GABBR2: variants seen among roughly 807,000 people sequenced by gnomAD.
GABBR2 encodes the protein G-protein coupled receptor 51.
A neutral mutation model predicts 105.6 loss-of-function variants in GABBR2; 23 were observed. That is an observed-to-expected ratio of 0.22 (90% CI 0.16 to 0.31). GABBR2 has a LOEUF of 0.31. Among genes scored for constraint, GABBR2 ranks in the 10% least tolerant of loss-of-function variants. GABBR2 has a pLI of 1.00. For missense variants in GABBR2, 734 were observed against 1,245.5 expected (o/e 0.59, Z 6.18); for synonymous variants, 478 against 499.7 (o/e 0.96, Z 0.58).
At chr9:98,605,795 T>C (rs1421784318) in intron 1 of GABBR2, among the ~76,000 whole-genome samples, 1 of 152,206 alleles carries the variant, frequency 6.6e-6, no homozygotes, top group Non-Finnish European at 1.5e-5. Context: ...TTTTTTATTA[T>C]ACTTTAAATT....
intron 6 of GABBR2, among the ~76,000 whole-genome samples, chr9:98,467,444 A>C (rs1254627768): frequency 1.3e-5 from 2 of 152,062 alleles, no homozygotes; most frequent in African/African-American, 4.8e-5. Flanking sequence ...GAATGGGAGT[A>C]GCAAGGAATG....
intron 4 of GABBR2, among the ~76,000 whole-genome samples, chr9:98,481,456 C>T (rs549285767): frequency 1.3e-5 from 2 of 152,332 alleles, no homozygotes; most frequent in Admixed American, 6.5e-5. Context: ...AGACCCCAGC[C>T]AACCACACTC....
intron 17 of GABBR2, among the ~76,000 whole-genome samples, chr9:98,294,497 CT>C (rs1054724028): frequency 2.9e-3 from 425 of 144,644 alleles, no homozygotes; most frequent in South Asian, 3.7e-3. Flanking sequence ...ACCTCGGCAT[CT>C]TTTTTTTTTT....
chr9:98,513,919 A>C (rs1827704716), intron 3 of GABBR2, among the ~76,000 whole-genome samples: 1 of 152,244 alleles, frequency 6.6e-6, no homozygotes, highest in African/African-American at 2.4e-5. Flanking sequence ...ATATACCCAC[A>C]GGACTATAAA....
intron 13 of GABBR2, among the ~76,000 whole-genome samples, chr9:98,357,797 C>T (rs1007942455): frequency 7.9e-5 from 12 of 152,066 alleles, no homozygotes; most frequent in Admixed American, 7.9e-4. Flanking sequence ...CAATCATATC[C>T]TCCTATCCTG....
At chr9:98,597,214 A>C (rs1244119288) in intron 1 of GABBR2, among the ~76,000 whole-genome samples, 1 of 152,174 alleles carries the variant, frequency 6.6e-6, no homozygotes, top group Non-Finnish European at 1.5e-5. Flanking sequence ...TGTTGCTCTA[A>C]AATAGATGGC....
chr9:98,300,547 G>A lies in GABBR2; in HGVS notation c.2413-1194C>T, dbSNP rs541438608. 3.9e-5 allele frequency among the ~76,000 whole-genome samples: 6 copies of A among 152,254 alleles called. 1 individual carries two copies. Among genetic ancestry groups the A allele is most frequent in the East Asian group, 1.9e-4 (1 of 5,184 alleles). On this transcript the variant is annotated intron_variant, in intron 16 of 18. Coordinates refer to ENST00000259455, the MANE Select transcript of GABBR2 (RefSeq NM_005458.8). ...TTGGTAGTTGTTGGGGGTGGTAGTC[G>A]GGATGGGTGTTGAACATCTGTGATA...
intron 1 of GABBR2, among the ~76,000 whole-genome samples, chr9:98,633,020 T>C (rs1252796340): frequency 6.6e-6 from 1 of 152,190 alleles, no homozygotes; most frequent in Admixed American, 6.5e-5. Flanking sequence ...AATAAACAGC[T>C]GGGGTTTCGG....
intron 13 of GABBR2, among the ~76,000 whole-genome samples, chr9:98,351,621 A>T (rs575941): frequency 0.72 from 109,739 of 152,062 alleles, 39,668 homozygotes; most frequent in East Asian, 0.81. Flanking sequence ...TTGTGTTTTT[A>T]AATTTCATTC....
chr9:98,382,229 C>T (rs1831990233), intron 11 of GABBR2, among the ~76,000 whole-genome samples: 1 of 152,114 alleles, frequency 6.6e-6, no homozygotes, highest in South Asian at 2.1e-4. Context: ...TAGGGTTTTG[C>T]TCCACCGGTT....
At chr9:98,427,351 A>T (rs1825712636) in intron 7 of GABBR2, among the ~76,000 whole-genome samples, 1 of 152,212 alleles carries the variant, frequency 6.6e-6, no homozygotes, top group Non-Finnish European at 1.5e-5. Context: ...AACTTACGTG[A>T]ACTGCTAGAG....
chr9:98,417,946 G>A (rs1832716857), intron 7 of GABBR2, among the ~76,000 whole-genome samples: 1 of 152,148 alleles, frequency 6.6e-6, no homozygotes. Context: ...GAGACAGTGT[G>A]GCTCTTTGGA....
intron 12 of GABBR2, among the ~76,000 whole-genome samples, chr9:98,367,716 C>T (rs1276720604): frequency 3.3e-5 from 5 of 152,054 alleles, no homozygotes; most frequent in East Asian, 3.8e-4. Context: ...TTCCAGGAGC[C>T]GGTTTGCGGT....
chr9:98,374,787 A>T (rs1831843974), intron 11 of GABBR2, among the ~76,000 whole-genome samples: 1 of 152,104 alleles, frequency 6.6e-6, no homozygotes, highest in Non-Finnish European at 1.5e-5. Context: ...TTGCCTCCCC[A>T]CGTGCCTTTT....
intron 3 of GABBR2, among the ~76,000 whole-genome samples, chr9:98,517,378 C>T (rs1044114642): frequency 2.0e-5 from 3 of 152,126 alleles, no homozygotes; most frequent in South Asian, 4.2e-4. Flanking sequence ...CAAGAGAGTC[C>T]CTCTCCTGGC....
At chr9:98,354,862 G>A (rs986413171) in intron 13 of GABBR2, among the ~76,000 whole-genome samples, 3 of 152,110 alleles carry the variant, frequency 2.0e-5, no homozygotes, top group African/African-American at 4.8e-5. Flanking sequence ...TTTTTCCTTT[G>A]CATTCAAAAC....
At chr9:98,603,916 C>T (rs1229325856) in intron 1 of GABBR2, among the ~76,000 whole-genome samples, 3 of 152,192 alleles carry the variant, frequency 2.0e-5, no homozygotes, top group African/African-American at 7.2e-5. Context: ...CCAACATGGA[C>T]AAAAATAACG....
intron 3 of GABBR2, chr9:98,516,293 G>GAGCC (rs1259777962): frequency 6.6e-6 from 1 of 152,214 alleles, no homozygotes; most frequent in Non-Finnish European, 1.5e-5. Context: ...TCTGCAAAGG[G>GAGCC]AGCCCTCTGT....
At chr9:98,364,131 G>T (rs583237) in intron 12 of GABBR2, among the ~76,000 whole-genome samples, 67,083 of 151,708 alleles carry the variant, frequency 0.44, 17,074 homozygotes, top group African/African-American at 0.71. Context: ...CAAAACCGCT[G>T]TACCTGGGGG....
Sources: gnomAD v4.1 joint callset for allele counts (sites outside exome capture counted in the v4.1 genomes callset) on GRCh38, gnomAD v4.1.1 for gene constraint, MANE v1.5 for transcripts, NCBI Gene and HGNC (gene_info 2026-07-23, HGNC 2026-07-21) for gene names.